The following NR3C2 variants were observed in gnomAD, a reference collection of about 807,000 sequenced individuals.
NR3C2 encodes mineralocorticoid receptor.
NR3C2 carries 15 observed loss-of-function variants against 86.4 expected under a neutral mutation model. That is an observed-to-expected ratio of 0.17 (90% CI 0.12 to 0.27). NR3C2 has a LOEUF of 0.27. Among genes scored for constraint, NR3C2 ranks in the 10% least tolerant of loss-of-function variants. NR3C2 has a pLI of 1.00. For missense variants in NR3C2, 960 were observed against 1,195.6 expected, an observed-to-expected ratio of 0.80 and a Z score of 2.91; for synonymous variants, 458 against 450.5, an observed-to-expected ratio of 1.02 and a Z score of -0.21.
intron 2 of NR3C2, among the ~76,000 whole-genome samples, chr4:148,352,718 T>TTTTCATAG (rs1745354496): frequency 6.6e-6 from 1 of 152,182 alleles, no homozygotes; most frequent in Non-Finnish European, 1.5e-5. Context: ...AACTAAAGAT[T>TTTTCATAG]TTTCATAGTT....
intron 2 of NR3C2, among the ~76,000 whole-genome samples, chr4:148,350,661 T>C (rs1190021501): frequency 3.3e-5 from 5 of 152,176 alleles, no homozygotes; most frequent in African/African-American, 1.2e-4. Context: ...TCCTCTGCTT[T>C]TGGAAGCCTT....
At chr4:148,305,393 A>T (rs751818928) in intron 2 of NR3C2, among the ~76,000 whole-genome samples, 1 of 152,086 alleles carries the variant, frequency 6.6e-6, no homozygotes, top group Non-Finnish European at 1.5e-5. Flanking sequence ...TTCCCAAGAG[A>T]CGTAGAGTAT....
chr4:148,369,591 A>G (rs1746314324), intron 2 of NR3C2, among the ~76,000 whole-genome samples: 1 of 152,218 alleles, frequency 6.6e-6, no homozygotes, highest in Non-Finnish European at 1.5e-5. Flanking sequence ...TAGCACTTTG[A>G]GTATAATCAC....
chr4:148,398,627 A>G (rs1747979199), intron 2 of NR3C2, among the ~76,000 whole-genome samples: 1 of 152,200 alleles, frequency 6.6e-6, no homozygotes, highest in Admixed American at 6.5e-5. Flanking sequence ...ACCACACAGC[A>G]CAGAAAGGTG....
At chr4:148,188,683 G>T (rs146893508) in intron 4 of NR3C2, among the ~76,000 whole-genome samples, 1 of 152,194 alleles carries the variant, frequency 6.6e-6, no homozygotes, top group East Asian at 1.9e-4. Flanking sequence ...AGCAAACAGT[G>T]ACAGTCTGAC....
In NR3C2 at chr4:148,154,590, G is replaced by A. The variant is rs1553990727; in HGVS notation, c.2326C>T (p.Gln776Ter). The A allele has an allele frequency of 6.2e-7, 1 of 1,614,074 alleles. No homozygotes were observed. Reference protein sequence around the residue: ...LSTLNRLAGKQMIQVVKWAKV... With the variant: ...LSTLNRLAGK ...GCCCACTTCACGACTTGGATCATCT[G>A]TTTGCCTGCTAAGCGGTTGAGCGTG... The change falls in exon 5 of 9, where the codon CAG becomes TAG. Residue 776 changes from glutamine (Q) to a stop codon, truncating the protein, a stop_gained. Coordinates refer to ENST00000358102, the MANE Select transcript of NR3C2 (RefSeq NM_000901.5). LOFTEE classifies it high-confidence loss of function.
intron 6 of NR3C2, among the ~76,000 whole-genome samples, chr4:148,124,910 A>G (rs925825541): frequency 6.6e-6 from 1 of 152,336 alleles, no homozygotes; most frequent in East Asian, 1.9e-4. Flanking sequence ...GAAATGCTCT[A>G]TTCAATTCTC....
At chr4:148,151,403 T>C (rs1315620912) in intron 6 of NR3C2, among the ~76,000 whole-genome samples, 3 of 152,230 alleles carry the variant, frequency 2.0e-5, no homozygotes, top group Non-Finnish European at 4.4e-5. Flanking sequence ...AGTCAGTTGT[T>C]TGGCCTTACT....
At position 148,436,176 on chromosome 4, in the gene NR3C2, T is replaced by C. The variant is rs771642215; in HGVS notation, c.685A>G (p.Ile229Val). The part of the protein sequence containing the change: ...SFGSFPVHSP[I>V]TQGTPLTCSP... ...CATGTCAGAGGAGTTCCCTGGGTGA[T>C]TGGGCTGTGCACTGGAAAACTGCCA... Residue 229 changes from isoleucine to valine, a missense_variant, in exon 2 of 9, where the codon ATC becomes GTC. Ile to Val is a conservative substitution (Grantham distance 29, BLOSUM62 3). Around this residue, in one of 4 missense-constraint regions of NR3C2, gnomAD observed 680 missense variants for 719.0 expected, o/e 0.95. Transcript: ENST00000358102. 2.9e-5 allele frequency: 47 copies of C among 1,614,048 alleles called. 1 individual carries two copies. In the South Asian group the frequency reaches 4.1e-4, roughly 14 times the overall value.
intron 7 of NR3C2, among the ~76,000 whole-genome samples, 162 bp downstream of exon 7, chr4:148,119,996 T>C (rs1732441999): frequency 6.6e-6 from 1 of 152,182 alleles, no homozygotes; most frequent in South Asian, 2.1e-4. Context: ...GCAAGTAACT[T>C]AGTTCATCAA....
intron 2 of NR3C2, among the ~76,000 whole-genome samples, chr4:148,298,317 A>C (rs7689925): frequency 0.78 from 119,229 of 152,126 alleles, 46,910 homozygotes; most frequent in Middle Eastern, 0.86. Flanking sequence ...AATTCTAGAA[A>C]GTGAAAAACT....
intron 3 of NR3C2, among the ~76,000 whole-genome samples, chr4:148,247,662 CA>C (rs1739382846): frequency 6.6e-6 from 1 of 151,274 alleles, no homozygotes; most frequent in Non-Finnish European, 1.5e-5. Context: ...GACCACAGCA[CA>C]TTCTTGGTGC....
At chr4:148,274,204 GGGATCTCCC>G (rs1740846268) in intron 2 of NR3C2, among the ~76,000 whole-genome samples, 3 of 152,146 alleles carry the variant, frequency 2.0e-5, no homozygotes, top group African/African-American at 7.2e-5. Context: ...AGTGTTTTAC[GGGATCTCCC>G]GTTAAGAACA....
chr4:148,146,305 G>A (rs141861192), intron 6 of NR3C2, among the ~76,000 whole-genome samples: 2 of 152,198 alleles, frequency 1.3e-5, no homozygotes, highest in East Asian at 1.9e-4. Context: ...ACTGGGGCTC[G>A]CCATACCTCC....
intron 2 of NR3C2, among the ~76,000 whole-genome samples, chr4:148,414,886 A>T (rs569476785): frequency 6.6e-6 from 1 of 152,330 alleles, no homozygotes; most frequent in East Asian, 1.9e-4. Flanking sequence ...GACTCCATGA[A>T]TATTCAGTCA....
At chr4:148,289,420 A>G (rs940902217) in intron 2 of NR3C2, among the ~76,000 whole-genome samples, 1 of 152,218 alleles carries the variant, frequency 6.6e-6, no homozygotes, top group African/African-American at 2.4e-5. Context: ...GGTATGCTCA[A>G]TACCTCTTGG....
intron 4 of NR3C2, among the ~76,000 whole-genome samples, chr4:148,188,802 T>G (rs1437212056): frequency 1.3e-5 from 2 of 152,188 alleles, no homozygotes; most frequent in African/African-American, 4.8e-5. Context: ...GGCATCCTTG[T>G]CTTGTTCCAG....
chr4:148,129,784 T>A (rs1370295878), intron 6 of NR3C2, among the ~76,000 whole-genome samples: 1 of 152,064 alleles, frequency 6.6e-6, no homozygotes, highest in Middle Eastern at 3.2e-3. Flanking sequence ...TTAGTAGAGA[T>A]GGGGTTTCCC....
intron 8 of NR3C2, among the ~76,000 whole-genome samples, chr4:148,099,541 T>C (rs1731441240): frequency 6.6e-6 from 1 of 152,216 alleles, no homozygotes; most frequent in African/African-American, 2.4e-5. Flanking sequence ...ATTATTTTCT[T>C]TTTATAGAGA....
Sources: gnomAD v4.1 joint callset for allele counts (sites outside exome capture counted in the v4.1 genomes callset) on GRCh38, gnomAD v4.1.1 for gene constraint, gnomAD v4.1.1 regional missense constraint, MANE v1.5 for transcripts, NCBI Gene and HGNC (gene_info 2026-07-23, HGNC 2026-07-21) for gene names.